The following DNAAF9 variants were observed in gnomAD, a reference collection of about 807,000 sequenced individuals.
DNAAF9 encodes shulin.
DNAAF9 carries 90 observed loss-of-function variants against 167.0 expected under a neutral mutation model. The ratio of observed to expected loss-of-function variants is 0.54; its 90% CI spans 0.45 to 0.64. The LOEUF is 0.64. Among genes scored for constraint, DNAAF9 ranks in the 30% least tolerant of loss-of-function variants. The probability of loss-of-function intolerance (pLI) is 0.00; values close to 1 mark genes in which losing one functional copy is unlikely to be tolerated. For missense variants in DNAAF9, 1,315 were observed against 1,442.2 expected, an observed-to-expected ratio of 0.91 and a Z score of 1.43; for synonymous variants, 491 against 508.8, an observed-to-expected ratio of 0.96 and a Z score of 0.47.
At chr20:3,396,012 T>A (rs2083901922) in intron 1 of DNAAF9, among the ~76,000 whole-genome samples, 1 of 152,142 alleles carries the variant, frequency 6.6e-6, no homozygotes, top group Non-Finnish European at 1.5e-5. Flanking sequence ...TCCCATGAGA[T>A]CTGATGGTTT....
In DNAAF9 at chr20:3,259,563, A is replaced by G; in HGVS notation, c.2981-9T>C. On this transcript the variant is annotated splice_polypyrimidine_tract_variant and intron_variant, in intron 32 of 36. Transcript: ENST00000252032. ...GATGGAGGACTGAATTGCTGGTGGA[A>G]GAAGAGGACAGCGCTGTCACCCACA... The G allele has an allele frequency of 1.9e-6, 3 of 1,595,494 alleles. No homozygotes were observed. The highest frequency in any genetic ancestry group is 2.2e-5 in the East Asian group (1 of 44,770).
chr20:3,382,552 C>T (rs778120200), intron 1 of DNAAF9, 46 bp from the exon 2 acceptor site: 1 of 1,462,984 alleles, frequency 6.8e-7, no homozygotes, highest in Non-Finnish European at 9.6e-7. Context: ...AGGACAGCCC[C>T]ATGAGAAGAG....
intron 20 of DNAAF9, among the ~76,000 whole-genome samples, chr20:3,310,981 G>C (rs997876122): frequency 3.3e-5 from 5 of 152,074 alleles, no homozygotes; most frequent in African/African-American, 1.2e-4. Context: ...TTGTAAAACA[G>C]TCTGGCCTCA....
rs2069092775 is a variant in DNAAF9 at position 3,297,016 on chromosome 20, G to T, written c.1930-67C>A. ...ACAACAGGATATGGAAGCCACATGG[G>T]GATTTGATGGTTGTTGAAAATCTAG... On this transcript the variant is annotated intron_variant, in intron 22 of 36. Transcript: ENST00000252032. 3 of 843,968 alleles carry T rather than the reference G, an allele frequency of 3.6e-6. No homozygotes were observed. In the African/African-American group the frequency reaches 5.1e-5, roughly 14 times the overall value. 52.3% of individuals were successfully genotyped at this position (843,968 alleles called of 1,614,324 possible). A position where few individuals can be genotyped will look rare whatever the true frequency, so the allele number is the denominator to read the frequency against.
chr20:3,361,348 G>T (rs1279978083), intron 6 of DNAAF9, among the ~76,000 whole-genome samples: 1 of 151,756 alleles, frequency 6.6e-6, no homozygotes, highest in Non-Finnish European at 1.5e-5. Flanking sequence ...CTTGGAAGGG[G>T]CATCATTTAA....
At chr20:3,398,474 C>G (rs1397116065) in intron 1 of DNAAF9, among the ~76,000 whole-genome samples, 5 of 151,516 alleles carry the variant, frequency 3.3e-5, no homozygotes, top group Non-Finnish European at 5.9e-5. Flanking sequence ...TAGGGTTGAA[C>G]CACACTGGTG....
In DNAAF9 at chr20:3,283,859, A is replaced by G. The variant is rs535412620; in HGVS notation, c.2487-2093T>C. Among the ~76,000 whole-genome samples, 4 of 152,326 alleles carry G rather than the reference A, an allele frequency of 2.6e-5. No individual in the cohort carries two copies. In the South Asian group the frequency reaches 8.3e-4, roughly 32 times the overall value. ...ATTCACAAGTCATGCTTGAGGAGTC[A>G]TTTTAATATAACAGGATTTCCCTTA... On this transcript the variant is annotated intron_variant, in intron 27 of 36. Coordinates refer to ENST00000252032, the MANE Select transcript of DNAAF9 (RefSeq NM_001009984.3).
Position 3,270,570 on chromosome 20 carries a change from T to C in DNAAF9, c.2651-8A>G, listed in dbSNP as rs763648372. Reference sequence around the variant, plus strand: ...CCACGTTACTCACCAGGCCTGGGAATAAAACCAAGGACAGTTTAGCCTTCA... The same window carrying C: ...CCACGTTACTCACCAGGCCTGGGAACAAAACCAAGGACAGTTTAGCCTTCA... On this transcript the variant is annotated splice_region_variant and splice_polypyrimidine_tract_variant and intron_variant, in intron 29 of 36. Coordinates refer to ENST00000252032, the MANE Select transcript of DNAAF9 (RefSeq NM_001009984.3). 5 of 1,611,764 alleles carry C rather than the reference T, an allele frequency of 3.1e-6. No homozygotes were observed. In the South Asian group the frequency reaches 5.5e-5, roughly 18 times the overall value.
At chr20:3,329,466 T>C (rs1029631976) in intron 12 of DNAAF9, among the ~76,000 whole-genome samples, 1 of 152,228 alleles carries the variant, frequency 6.6e-6, no homozygotes, top group Non-Finnish European at 1.5e-5. Flanking sequence ...CCCAGAAATA[T>C]ATAAATTAAG....
At chr20:3,394,002 T>C (rs528865215) in intron 1 of DNAAF9, among the ~76,000 whole-genome samples, 2 of 152,310 alleles carry the variant, frequency 1.3e-5, no homozygotes, top group African/African-American at 4.8e-5. Context: ...AGTCAGTCAT[T>C]TGAGTTTTTT....
In DNAAF9 at chr20:3,318,134, A is replaced by G. The variant is rs977393428; in HGVS notation, c.1468+155T>C. ...TTTTTTTTTTTTGATACGGGGTCTC[A>G]CTGTGTCACTGAGGCTGGAGTGCAG... On this transcript the variant is annotated intron_variant, in intron 17 of 36. Coordinates refer to ENST00000252032, the MANE Select transcript of DNAAF9 (RefSeq NM_001009984.3). 2.9e-5 allele frequency among the ~76,000 whole-genome samples: 4 copies of G among 135,760 alleles called. 1 individual carries two copies. Among genetic ancestry groups the G allele is most frequent in the African/African-American group, 1.1e-4 (4 of 35,796 alleles). The allele number at this position is 135,760 out of a possible 152,430, so 89.1% of individuals were successfully genotyped here.
At position 3,373,384 on chromosome 20, in the gene DNAAF9, C is replaced by T. The variant is rs75317669; in HGVS notation, c.612+664G>A. Among the ~76,000 whole-genome samples the T allele has an allele frequency of 5.4e-3, 827 of 152,306 alleles. 2 individuals carry two copies. Among genetic ancestry groups the T allele is most frequent in the Middle Eastern group, 6.8e-3 (2 of 294 alleles). ...GATCCCATGGAGGCACATGGATACTCGTGGTCATGCTGCTAACCTATCAAG... is the reference window on the plus strand; with the variant it reads ...GATCCCATGGAGGCACATGGATACTTGTGGTCATGCTGCTAACCTATCAAG... On this transcript the variant is annotated intron_variant, in intron 6 of 36. Transcript: ENST00000252032.
At chr20:3,296,052 C>T (rs1472110666) in intron 23 of DNAAF9, 2 of 857,658 alleles carry the variant, frequency 2.3e-6, no homozygotes, top group African/African-American at 1.7e-5. Flanking sequence ...TGGTAGTAAC[C>T]CTCATCTGGA....
chr20:3,279,026 GAGTACCA>G lies in DNAAF9; in HGVS notation c.2613-84_2613-78del, dbSNP rs151299291. On this transcript the variant is annotated intron_variant, in intron 28 of 36. Coordinates refer to ENST00000252032, the MANE Select transcript of DNAAF9 (RefSeq NM_001009984.3). Reference sequence around the variant, plus strand: ...CACTGATTATTTCCCATACAAATAGGAGTACCACTGACAAGCAAATTGACTCACATGA... The same window carrying G: ...CACTGATTATTTCCCATACAAATAGGCTGACAAGCAAATTGACTCACATGA... 4.7e-3 allele frequency: 4,836 copies of G among 1,038,456 alleles called. 13 individuals carry two copies. Among genetic ancestry groups the G allele is most frequent in the Middle Eastern group, 0.015 (73 of 4,824 alleles). 64.3% of individuals were successfully genotyped at this position (1,038,456 alleles called of 1,614,324 possible).
At chr20:3,390,068 T>G (rs2083805466) in intron 1 of DNAAF9, among the ~76,000 whole-genome samples, 1 of 151,952 alleles carries the variant, frequency 6.6e-6, no homozygotes, top group East Asian at 1.9e-4. Flanking sequence ...TGGAAACATC[T>G]GTGAGACATC....
At chr20:3,318,189 C>T in intron 17 of DNAAF9, 100 bp downstream of exon 17, 1 of 559,146 alleles carries the variant, frequency 1.8e-6, no homozygotes, top group Non-Finnish European at 3.3e-6. Flanking sequence ...AATATTTTTA[C>T]CAGTTTATTG....
chr20:3,328,244 C>T (rs909273403), intron 12 of DNAAF9, among the ~76,000 whole-genome samples: 3 of 147,780 alleles, frequency 2.0e-5, no homozygotes, highest in African/African-American at 5.0e-5. Context: ...TACACTGGTG[C>T]GACCTCAGCT....
At chr20:3,281,042 T>C (rs1369693080) in intron 28 of DNAAF9, among the ~76,000 whole-genome samples, 1 of 152,162 alleles carries the variant, frequency 6.6e-6, no homozygotes, top group Non-Finnish European at 1.5e-5. Context: ...ATTTTTTTTT[T>C]GAGACAGAGT....
intron 1 of DNAAF9, among the ~76,000 whole-genome samples, chr20:3,395,799 G>A (rs1394936700): frequency 6.6e-6 from 1 of 151,516 alleles, no homozygotes; most frequent in African/African-American, 2.4e-5. Flanking sequence ...TTCTTATTAG[G>A]TTGATTCCTA....
Sources: gnomAD v4.1 joint callset for allele counts (sites outside exome capture counted in the v4.1 genomes callset) on GRCh38, gnomAD v4.1.1 for gene constraint, MANE v1.5 for transcripts, NCBI Gene and HGNC (gene_info 2026-07-23, HGNC 2026-07-21) for gene names.